ALDH1A2: variants seen among roughly 807,000 people sequenced by gnomAD.
ALDH1A2 encodes retinal dehydrogenase 2.
ALDH1A2 carries 27 observed loss-of-function variants against 60.3 expected under a neutral mutation model. The ratio of observed to expected loss-of-function variants is 0.45; its 90% CI spans 0.33 to 0.62. The LOEUF (loss-of-function observed/expected upper bound fraction) is 0.62, where lower values mean the gene tolerates loss of function less well. Among genes scored for constraint, ALDH1A2 ranks in the 20% least tolerant of loss-of-function variants. The pLI, the probability that ALDH1A2 is intolerant of heterozygous loss-of-function variation, is 0.02. For synonymous variants in ALDH1A2, 289 were observed against 232.4 expected (o/e 1.24, Z -2.21); for missense variants, 581 against 643.8 (o/e 0.90, Z 1.06).
chr15:58,003,189 C>T (rs945793443), intron 4 of ALDH1A2, among the ~76,000 whole-genome samples: 4 of 151,848 alleles, frequency 2.6e-5, no homozygotes, highest in Non-Finnish European at 5.9e-5. Flanking sequence ...TCAGCTTCAA[C>T]CTCTTAAAAA....
intron 7 of ALDH1A2, among the ~76,000 whole-genome samples, chr15:57,972,400 A>C (rs934794377): frequency 5.3e-5 from 8 of 152,184 alleles, no homozygotes; most frequent in Non-Finnish European, 1.0e-4. Context: ...ATAAGACTCT[A>C]TTTCAGGTAA....
At chr15:58,004,994 A>G (rs143306051) in intron 4 of ALDH1A2, among the ~76,000 whole-genome samples, 22 of 151,898 alleles carry the variant, frequency 1.4e-4, no homozygotes, top group Non-Finnish European at 2.7e-4. Flanking sequence ...CCTAAAATGT[A>G]ATTTTGATCA....
At chr15:58,048,292 C>G (rs1046121922) in intron 1 of ALDH1A2, among the ~76,000 whole-genome samples, 6 of 152,028 alleles carry the variant, frequency 3.9e-5, no homozygotes, top group African/African-American at 1.4e-4. Context: ...ACACATTGTA[C>G]TGATGTTCAA....
intron 1 of ALDH1A2, among the ~76,000 whole-genome samples, chr15:58,044,866 T>G (rs751670674): frequency 4.0e-5 from 6 of 151,862 alleles, no homozygotes; most frequent in Non-Finnish European, 8.8e-5. Context: ...GCTAACTGAT[T>G]TAGGAGCTGG....
At chr15:58,010,115 T>C (rs1895581806) in intron 4 of ALDH1A2, among the ~76,000 whole-genome samples, 1 of 152,164 alleles carries the variant, frequency 6.6e-6, no homozygotes, top group Non-Finnish European at 1.5e-5. Flanking sequence ...GGATTAGTGT[T>C]GTTTGTATAG....
chr15:58,053,468 G>A (rs1388919752), intron 1 of ALDH1A2, among the ~76,000 whole-genome samples: 3 of 152,166 alleles, frequency 2.0e-5, no homozygotes, highest in East Asian at 1.9e-4. Context: ...CCTCATCTCC[G>A]TAGCAATAAG....
intron 5 of ALDH1A2, among the ~76,000 whole-genome samples, chr15:57,994,589 C>T (rs1254825871): frequency 6.6e-6 from 1 of 152,108 alleles, no homozygotes; most frequent in Non-Finnish European, 1.5e-5. Flanking sequence ...CATAACAGCT[C>T]GGCATGGTTT....
Position 57,979,367 on chromosome 15 carries a change from T to C in ALDH1A2, c.798+13338A>G, listed in dbSNP as rs189694932. Among the ~76,000 whole-genome samples the C allele has an allele frequency of 1.6e-3, 247 of 152,254 alleles. 1 individual carries two copies. Among genetic ancestry groups the C allele is most frequent in the Admixed American group, 0.011 (161 of 15,300 alleles). On this transcript the variant is annotated intron_variant, in intron 7 of 12. Transcript: ENST00000249750. ...CCACAAACTGATCGGCTGACAAAAG[T>C]GGGAAGAGGCAAGGCAACTGGAAAC...
At chr15:58,065,241 G>A (rs1193794784) in intron 1 of ALDH1A2, 18 of 428,304 alleles carry the variant, frequency 4.2e-5, no homozygotes, top group Non-Finnish European at 5.6e-5. Flanking sequence ...GTCGGGACCG[G>A]GAGAATCGGA....
intron 1 of ALDH1A2, among the ~76,000 whole-genome samples, chr15:58,062,845 C>A (rs1359700925): frequency 6.6e-6 from 1 of 152,148 alleles, no homozygotes; most frequent in South Asian, 2.1e-4. Flanking sequence ...GAGTGGTAAG[C>A]GTATTTTAAA....
At chr15:58,043,646 A>G (rs1441283764) in intron 1 of ALDH1A2, among the ~76,000 whole-genome samples, 2 of 151,990 alleles carry the variant, frequency 1.3e-5, no homozygotes, top group Non-Finnish European at 2.9e-5. Context: ...GGTGAGATTC[A>G]GGTGGAAAAG....
chr15:58,032,840 T>C (rs1231946679), intron 1 of ALDH1A2, among the ~76,000 whole-genome samples: 1 of 151,914 alleles, frequency 6.6e-6, no homozygotes, highest in East Asian at 1.9e-4. Context: ...GAATATTATT[T>C]AGCCATAGAA....
chr15:58,028,955 A>G (rs1187439357), intron 1 of ALDH1A2, among the ~76,000 whole-genome samples: 1 of 152,184 alleles, frequency 6.6e-6, no homozygotes, highest in Non-Finnish European at 1.5e-5. Context: ...ATAATGGGAG[A>G]CTTTAACACC....
At chr15:57,992,650 C>CCG in intron 7 of ALDH1A2, 55 bp downstream of exon 7, 1 of 1,501,928 alleles carries the variant, frequency 6.7e-7, no homozygotes, top group Non-Finnish European at 9.3e-7. Context: ...GTTTTTGTAA[C>CCG]CCCTCAACTC....
chr15:58,065,279 G>A (rs995187319), intron 1 of ALDH1A2: 1 of 519,710 alleles, frequency 1.9e-6, no homozygotes, highest in Non-Finnish European at 3.5e-6. Context: ...GTCCGGGGCA[G>A]GAGCCGTTGA....
intron 7 of ALDH1A2, among the ~76,000 whole-genome samples, chr15:57,978,467 C>T (rs1211050232): frequency 2.0e-5 from 3 of 152,112 alleles, no homozygotes; most frequent in Non-Finnish European, 4.4e-5. Flanking sequence ...TCATTGGTTC[C>T]GTTTGTGATA....
intron 3 of ALDH1A2, among the ~76,000 whole-genome samples, chr15:58,012,594 A>C (rs1254001835): frequency 6.6e-6 from 1 of 152,192 alleles, no homozygotes; most frequent in Non-Finnish European, 1.5e-5. Flanking sequence ...CACCTTTTTC[A>C]CAGTATGAAT....
intron 1 of ALDH1A2, among the ~76,000 whole-genome samples, chr15:58,050,172 T>C (rs1896738854): frequency 6.7e-6 from 1 of 149,256 alleles, no homozygotes; most frequent in Non-Finnish European, 1.5e-5. Context: ...AGTTGCCCTA[T>C]TTATTCAATA....
intron 4 of ALDH1A2, among the ~76,000 whole-genome samples, chr15:57,997,769 A>C (rs1895114499): frequency 6.6e-6 from 1 of 152,000 alleles, no homozygotes; most frequent in African/African-American, 2.4e-5. Flanking sequence ...GTCTCAAGAG[A>C]AACTGAGTTA....
Sources: allele counts gnomAD v4.1 joint callset (sites outside exome capture counted in the v4.1 genomes callset), GRCh38; gene constraint gnomAD v4.1.1; transcripts MANE v1.5; gene names NCBI Gene and HGNC (gene_info 2026-07-23, HGNC 2026-07-21).